Variants in P2RX4 observed in about 807,000 individuals in gnomAD.
P2RX4 encodes the protein P2X purinoceptor 4.
P2RX4 carries 37 observed loss-of-function variants against 48.0 expected under a neutral mutation model. The ratio of observed to expected loss-of-function variants is 0.77; its 90% CI spans 0.59 to 1.01. P2RX4 has a LOEUF of 1.01. P2RX4 is among the 50% of genes least tolerant of loss of function. The pLI is 0.00. For synonymous variants in P2RX4, 200 were observed against 199.7 expected (o/e 1.00, Z -0.01); for missense variants, 501 against 521.4 (o/e 0.96, Z 0.38).
At chr12:121,227,377 T>C (rs918831032) in intron 5 of P2RX4, among the ~76,000 whole-genome samples, 2 of 152,244 alleles carry the variant, frequency 1.3e-5, no homozygotes, top group African/African-American at 4.8e-5. Flanking sequence ...CAACTTGTAT[T>C]GTCAGCCAGG....
chr12:121,223,291 G>A (rs1400636785), intron 5 of P2RX4: 2 of 447,352 alleles, frequency 4.5e-6, no homozygotes, highest in African/African-American at 2.0e-5. Flanking sequence ...GGCCACGCTG[G>A]TCTCCAACTC....
At chr12:121,222,190 G>A in intron 4 of P2RX4, 24 bp downstream of exon 4, 6 of 1,560,490 alleles carry the variant, frequency 3.8e-6, no homozygotes, top group Non-Finnish European at 5.3e-6. Flanking sequence ...GCCTCCTGGG[G>A]AGGGCGGCCC....
chr12:121,224,016 G>A (rs1338508269), intron 5 of P2RX4, among the ~76,000 whole-genome samples: 1 of 152,216 alleles, frequency 6.6e-6, no homozygotes, highest in African/African-American at 2.4e-5. Flanking sequence ...CCCCAAGTCT[G>A]AGTCTCCCTT....
intron 8 of P2RX4, among the ~76,000 whole-genome samples, chr12:121,230,451 T>C (rs10849860): frequency 0.16 from 24,427 of 152,242 alleles, 2,170 homozygotes; most frequent in African/African-American, 0.18. Flanking sequence ...GGGCTGCACT[T>C]GCCTCCCCCT....
intron 2 of P2RX4, among the ~76,000 whole-genome samples, chr12:121,219,313 G>A (rs952091134): frequency 6.6e-6 from 1 of 152,162 alleles, no homozygotes; most frequent in Non-Finnish European, 1.5e-5. Flanking sequence ...GTCAGACCGT[G>A]GGGTTGGGGA....
At chr12:121,210,339 C>A in intron 1 of P2RX4, 41 bp downstream of exon 1, 1 of 1,461,892 alleles carries the variant, frequency 6.8e-7, no homozygotes, top group Admixed American at 2.9e-5. Flanking sequence ...GGGTGCTGCC[C>A]TCGCGTCCGC....
chr12:121,212,419 A>AC (rs1438212814), intron 1 of P2RX4, among the ~76,000 whole-genome samples: 24 of 151,680 alleles, frequency 1.6e-4, no homozygotes, highest in Non-Finnish European at 3.1e-4. Context: ...ACATAGCGAG[A>AC]CCCCATCTCT....
At chr12:121,218,056 A>G (rs1886348051) in intron 2 of P2RX4, among the ~76,000 whole-genome samples, 1 of 152,036 alleles carries the variant, frequency 6.6e-6, no homozygotes, top group South Asian at 2.1e-4. Context: ...TAAGCTGCCA[A>G]CTCTTGGCTC....
intron 5 of P2RX4, among the ~76,000 whole-genome samples, chr12:121,227,051 T>G (rs1165034013): frequency 6.6e-6 from 1 of 150,940 alleles, no homozygotes; most frequent in African/African-American, 2.4e-5. Flanking sequence ...GAGGTTGCAG[T>G]GAGCCGAGAT....
At chr12:121,223,750 C>T (rs1886800624) in intron 5 of P2RX4, among the ~76,000 whole-genome samples, 1 of 152,212 alleles carries the variant, frequency 6.6e-6, no homozygotes, top group African/African-American at 2.4e-5. Context: ...CAAAAAGATC[C>T]AGCGTGGCCA....
At position 121,216,531 on chromosome 12, in the gene P2RX4, G is replaced by T. The variant is rs529256781; in HGVS notation, c.135-603G>T. 13 of 216,108 alleles carry T rather than the reference G, an allele frequency of 6.0e-5. No homozygotes were observed. In the South Asian group the frequency reaches 9.3e-4, roughly 15 times the overall value. 13.4% of individuals were successfully genotyped at this position (216,108 alleles called of 1,614,324 possible). A position where few individuals can be genotyped will look rare whatever the true frequency, so the allele number is the denominator to read the frequency against. On this transcript the variant is annotated intron_variant, in intron 1 of 11. Transcript: ENST00000337233. Reference sequence around the variant, plus strand: ...CCCATAGGTCACAGGCATTGAAAGTGCTCAAAGGGCCAGGTGCAGTGGCTC... The same window carrying T: ...CCCATAGGTCACAGGCATTGAAAGTTCTCAAAGGGCCAGGTGCAGTGGCTC...
Position 121,233,814 on chromosome 12 carries a change from G to GACA in P2RX4, c.*267_*268insAAC. 2 of 670,604 alleles carry GACA rather than the reference G, an allele frequency of 3.0e-6. No homozygotes were observed. Among genetic ancestry groups the GACA allele is most frequent in the East Asian group, 3.1e-5 (1 of 31,994 alleles). The allele number at this position is 670,604 out of a possible 1,614,324, so 41.5% of individuals were successfully genotyped here. On this transcript the variant is annotated 3_prime_UTR_variant, in exon 12 of 12. Coordinates refer to ENST00000337233, the MANE Select transcript of P2RX4 (RefSeq NM_002560.3). ...GGGGTTGTCGGGGGAGCGCTGGCCC[G>GACA]ACGCAGTGGCACTGCTGTGGCTTTC... is the stretch of plus-strand genomic sequence containing the variant.
rs114406486 is a variant in P2RX4 at position 121,217,344 on chromosome 12, C to G, written c.282+63C>G. ...CCTTGCTCTTTACTGACTTTGCACA[C>G]TTGATTAATGATTGACGTGGCCTGA... On this transcript the variant is annotated intron_variant, in intron 2 of 11. Coordinates refer to ENST00000337233, the MANE Select transcript of P2RX4 (RefSeq NM_002560.3). 2.5e-3 allele frequency: 3,860 copies of G among 1,537,944 alleles called. 93 individuals are homozygous for G. The African/African-American group carries it at 0.045, about 18-fold the overall frequency.
intron 5 of P2RX4, chr12:121,223,396 G>A (rs1027082666): frequency 2.4e-5 from 8 of 328,042 alleles, no homozygotes; most frequent in African/African-American, 4.3e-5. Context: ...ACACCCAGCC[G>A]GAAGCACCTT....
chr12:121,221,172 G>T (rs879356318), intron 2 of P2RX4, among the ~76,000 whole-genome samples: 16,380 of 132,766 alleles, frequency 0.12, 1,196 homozygotes, highest in Non-Finnish European at 0.17. Flanking sequence ...GTGTTTGTGT[G>T]TGTGTGTGTG....
At position 121,233,778 on chromosome 12, in the gene P2RX4, TC is replaced by T; in HGVS notation, c.*232del. ...TTCTTGGCTGGGTCAACTCTGCTTT[TC>T]CCGCAACCTGGGGTTGTCGGGGGAG... On this transcript the variant is annotated 3_prime_UTR_variant, in exon 12 of 12. Coordinates refer to ENST00000337233, the MANE Select transcript of P2RX4 (RefSeq NM_002560.3). The T allele has an allele frequency of 9.6e-7, 1 of 1,042,972 alleles. No homozygotes were observed. Among genetic ancestry groups the T allele is most frequent in the Non-Finnish European group, 1.3e-6 (1 of 742,312 alleles). 64.6% of individuals were successfully genotyped at this position (1,042,972 alleles called of 1,614,324 possible). A position where few individuals can be genotyped will look rare whatever the true frequency, so the allele number is the denominator to read the frequency against.
intron 5 of P2RX4, 23 bp from the exon 6 acceptor site, chr12:121,228,504 TTAACAG>T (rs1321009878): frequency 6.9e-7 from 1 of 1,446,130 alleles, no homozygotes; most frequent in East Asian, 2.3e-5. Context: ...ATGTATTTTA[TTAACAG>T]TAATGTTATC....
At position 121,221,198 on chromosome 12, in the gene P2RX4, T is replaced by G. The variant is rs12318177; in HGVS notation, c.283-715T>G. Among the ~76,000 whole-genome samples, 545 of 84,320 alleles carry G rather than the reference T, an allele frequency of 6.5e-3. 2 individuals are homozygous for G. The highest frequency in any genetic ancestry group is 0.016 in the African/African-American group (318 of 19,376). The allele number at this position is 84,320 out of a possible 152,430, so 55.3% of individuals were successfully genotyped here. A position where few individuals can be genotyped will look rare whatever the true frequency, so the allele number is the denominator to read the frequency against. On this transcript the variant is annotated intron_variant, in intron 2 of 11. Coordinates refer to ENST00000337233, the MANE Select transcript of P2RX4 (RefSeq NM_002560.3). The stretch of plus-strand genomic sequence containing the variant: ...TGTGTGTGTGTGTGTGTGTGTGTGT[T>G]TTTAGTACAAAGTTTCACCATGTTG...
intron 1 of P2RX4, among the ~76,000 whole-genome samples, chr12:121,211,977 A>T (rs1593194708): frequency 6.6e-6 from 1 of 152,338 alleles, no homozygotes; most frequent in Admixed American, 6.5e-5. Context: ...GCCCAGACGC[A>T]TCCCCAGACC....
Sources: gnomAD v4.1 joint callset for allele counts (sites outside exome capture counted in the v4.1 genomes callset) on GRCh38, gnomAD v4.1.1 for gene constraint, MANE v1.5 for transcripts, NCBI Gene and HGNC (gene_info 2026-07-23, HGNC 2026-07-21) for gene names.